The following SAMD3 variants were observed in gnomAD, a reference collection of about 807,000 sequenced individuals.
The protein encoded by SAMD3 is sterile alpha motif domain-containing protein 3.
Under a neutral mutation model 58.5 loss-of-function variants are expected in SAMD3, and 63 were observed. That is an observed-to-expected ratio of 1.08 (90% CI 0.88 to 1.33). SAMD3 has a LOEUF of 1.33. Among genes scored for constraint, SAMD3 ranks in the 40% most tolerant of loss-of-function variants. The pLI is 0.00. For missense variants in SAMD3, 604 were observed against 608.4 expected, an observed-to-expected ratio of 0.99 and a Z score of 0.08; for synonymous variants, 220 against 210.3, an observed-to-expected ratio of 1.05 and a Z score of -0.40.
intron 8 of SAMD3, among the ~76,000 whole-genome samples, chr6:130,173,910 A>G (rs1013760088): frequency 2.0e-5 from 3 of 152,202 alleles, no homozygotes; most frequent in African/African-American, 4.8e-5. Flanking sequence ...GGAGGAATCT[A>G]GAGAAGCAGT....
rs148976847 is a variant in SAMD3, at chr6:130,297,644, A to G, written c.-188+15334T>C. On this transcript the variant is annotated intron_variant, in intron 2 of 13. Coordinates refer to the SAMD3 transcript ENST00000368134. ...AATCCAATAAGAAGAAGCCAGAAAA[A>G]TGATTCAAGATATAAAAGACAAGAC... Among the ~76,000 whole-genome samples the G allele has an allele frequency of 7.7e-3, 1,180 of 152,342 alleles. 15 individuals carry two copies. The highest frequency in any genetic ancestry group is 0.023 in the African/African-American group (958 of 41,594).
chr6:130,361,603 A>T (rs974203514), intron 1 of SAMD3, among the ~76,000 whole-genome samples: 1 of 152,392 alleles, frequency 6.6e-6, no homozygotes, highest in African/African-American at 2.4e-5. Context: ...AAAATTGTTA[A>T]GAAAAACCTT....
At chr6:130,206,090 G>C (rs1389259576) in intron 5 of SAMD3, among the ~76,000 whole-genome samples, 1 of 152,164 alleles carries the variant, frequency 6.6e-6, no homozygotes, top group East Asian at 1.9e-4. Context: ...CTGGATAAAG[G>C]GCAGGGCCAT....
At chr6:130,208,023 G>C (rs1795229424) in intron 5 of SAMD3, among the ~76,000 whole-genome samples, 1 of 152,242 alleles carries the variant, frequency 6.6e-6, no homozygotes, top group Non-Finnish European at 1.5e-5. Context: ...GCTAGGTCCT[G>C]TGCTGAGGCA....
intron 5 of SAMD3, among the ~76,000 whole-genome samples, chr6:130,208,194 C>T (rs1795241539): frequency 6.6e-6 from 1 of 152,260 alleles, no homozygotes; most frequent in African/African-American, 2.4e-5. Flanking sequence ...TGAAGGACCA[C>T]ATCCTTGCTT....
At chr6:130,305,452 T>C (rs916093274) in intron 2 of SAMD3, among the ~76,000 whole-genome samples, 2 of 152,180 alleles carry the variant, frequency 1.3e-5, no homozygotes, top group African/African-American at 2.4e-5. Context: ...TCCAGAACAA[T>C]GTTGAACAGA....
chr6:130,296,552 G>C (rs897590124), intron 2 of SAMD3, among the ~76,000 whole-genome samples: 1 of 152,156 alleles, frequency 6.6e-6, no homozygotes, highest in Non-Finnish European at 1.5e-5. Context: ...TCCCACCGGG[G>C]GCCAGAGCAC....
At chr6:130,365,301 G>A (rs983162466) in exon 1 of SAMD3, 3 of 985,384 alleles carry the variant, frequency 3.0e-6, no homozygotes, top group Admixed American at 6.1e-5. Flanking sequence ...GAAGACCCCC[G>A]TGCTTCAGTT....
chr6:130,220,443 A>G (rs1005026249), intron 1 of SAMD3, among the ~76,000 whole-genome samples: 4 of 152,184 alleles, frequency 2.6e-5, no homozygotes, highest in Admixed American at 2.6e-4. Flanking sequence ...CTTTGAGTCA[A>G]ACTTATGGTT....
intron 4 of SAMD3, 96 bp from the exon 5 acceptor site, chr6:130,209,704 T>C (rs1795370694): frequency 2.8e-6 from 2 of 710,750 alleles, no homozygotes; most frequent in Non-Finnish European, 4.8e-6. Context: ...AGAGTAAACA[T>C]CATGGTCTGT....
chr6:130,335,974 T>C (rs1474032866), intron 1 of SAMD3, among the ~76,000 whole-genome samples: 1 of 151,222 alleles, frequency 6.6e-6, no homozygotes, highest in Non-Finnish European at 1.5e-5. Context: ...TGAGAACACA[T>C]GGACACAGGA....
At chr6:130,297,547 G>C (rs917626804) in intron 2 of SAMD3, among the ~76,000 whole-genome samples, 23 of 152,130 alleles carry the variant, frequency 1.5e-4, no homozygotes, top group African/African-American at 5.3e-4. Flanking sequence ...AAATTGAAAA[G>C]TTTGAAATGA....
intron 2 of SAMD3, among the ~76,000 whole-genome samples, chr6:130,309,836 T>C (rs961274433): frequency 6.6e-6 from 1 of 152,220 alleles, no homozygotes; most frequent in African/African-American, 2.4e-5. Flanking sequence ...AAAAGCTCCC[T>C]ATCTAACACC....
At chr6:130,211,777 G>A (rs1307261059) in intron 4 of SAMD3, among the ~76,000 whole-genome samples, 6 of 151,770 alleles carry the variant, frequency 4.0e-5, no homozygotes, top group East Asian at 1.9e-4. Context: ...TGTCATGGAC[G>A]GGTCCTTAAC....
intron 2 of SAMD3, among the ~76,000 whole-genome samples, chr6:130,259,822 T>G (rs1232598507): frequency 6.6e-6 from 1 of 152,222 alleles, no homozygotes. Context: ...TCACAAAACT[T>G]TAGTACAATG....
intron 5 of SAMD3, among the ~76,000 whole-genome samples, chr6:130,208,369 G>A (rs541757868): frequency 1.2e-4 from 19 of 152,208 alleles, no homozygotes; most frequent in Non-Finnish European, 2.4e-4. Flanking sequence ...CTGTAGGACA[G>A]GGGTTCTTAA....
intron 9 of SAMD3, among the ~76,000 whole-genome samples, chr6:130,151,503 G>A (rs1218722048): frequency 3.9e-5 from 6 of 151,954 alleles, no homozygotes; most frequent in Admixed American, 2.6e-4. Context: ...GTGCAGTGGC[G>A]CAATCTCGGC....
chr6:130,336,079 G>A (rs1777090655), intron 1 of SAMD3, among the ~76,000 whole-genome samples: 1 of 152,104 alleles, frequency 6.6e-6, no homozygotes, highest in Non-Finnish European at 1.5e-5. Flanking sequence ...ATGAGTTAAT[G>A]GGTGCAGCAC....
At chr6:130,316,403 C>T (rs990868590) in intron 1 of SAMD3, among the ~76,000 whole-genome samples, 2 of 150,644 alleles carry the variant, frequency 1.3e-5, no homozygotes, top group Non-Finnish European at 2.9e-5. Flanking sequence ...AACTTGAGTA[C>T]ATTGCTAGAA....
Sources: gnomAD v4.1 joint callset for allele counts (sites outside exome capture counted in the v4.1 genomes callset) on GRCh38, gnomAD v4.1.1 for gene constraint, MANE v1.5 for transcripts, NCBI Gene and HGNC (gene_info 2026-07-23, HGNC 2026-07-21) for gene names.